Variants in NAV3 observed in about 807,000 individuals in gnomAD.
NAV3 encodes the protein pore membrane and/or filament interacting like protein 1.
NAV3 carries 87 observed loss-of-function variants against 244.7 expected under a neutral mutation model. The ratio of observed to expected loss-of-function variants is 0.36; its 90% CI spans 0.30 to 0.42. NAV3 has a LOEUF of 0.42. Ranked by LOEUF, NAV3 falls within the 20% of genes least tolerant of loss-of-function variation. The pLI is 1.00. For missense variants in NAV3, 2,663 were observed against 2,893.3 expected, an observed-to-expected ratio of 0.92 and a Z score of 1.83; for synonymous variants, 1,126 against 1,042.2, an observed-to-expected ratio of 1.08 and a Z score of -1.55.
At position 77,908,158 on chromosome 12, in the gene NAV3, G is replaced by A. The variant is rs148867540; in HGVS notation, c.244-32161G>A. On this transcript the variant is annotated intron_variant, in intron 1 of 39. Coordinates refer to ENST00000397909, the MANE Select transcript of NAV3 (RefSeq NM_001024383.2). Reference sequence around the variant, plus strand: ...TGTAAGTAGCAATCACAAATTATACGTTTATTTGTCAGCATGATGTTCCAA... The same window carrying A: ...TGTAAGTAGCAATCACAAATTATACATTTATTTGTCAGCATGATGTTCCAA... Among the ~76,000 whole-genome samples the A allele has an allele frequency of 6.5e-3, 985 of 152,092 alleles. 9 individuals carry two copies. Among genetic ancestry groups the A allele is most frequent in the Middle Eastern group, 0.021 (6 of 292 alleles).
intron 2 of NAV3, among the ~76,000 whole-genome samples, chr12:77,589,319 C>A (rs1262828435): frequency 1.3e-5 from 2 of 151,634 alleles, no homozygotes; most frequent in Non-Finnish European, 2.9e-5. Flanking sequence ...TGTCTGTTAC[C>A]CAGTTCCAAA....
chr12:77,581,921 T>G (rs1869384165), intron 2 of NAV3, among the ~76,000 whole-genome samples: 1 of 152,216 alleles, frequency 6.6e-6, no homozygotes, highest in Non-Finnish European at 1.5e-5. Context: ...TCATCACTTG[T>G]CCTTTGCATA....
At chr12:77,959,294 G>A (rs1026568935) in intron 3 of NAV3, among the ~76,000 whole-genome samples, 3 of 151,828 alleles carry the variant, frequency 2.0e-5, no homozygotes, top group East Asian at 1.9e-4. Context: ...AAAGATCCTC[G>A]GTTAATTCTT....
intron 2 of NAV3, among the ~76,000 whole-genome samples, chr12:77,811,421 C>G (rs774327724): frequency 4.6e-5 from 7 of 152,170 alleles, no homozygotes; most frequent in Non-Finnish European, 1.0e-4. Flanking sequence ...TTCACCTCCA[C>G]CACCATCAAG....
intron 2 of NAV3, among the ~76,000 whole-genome samples, chr12:77,675,169 ATTGT>A (rs1451933738): frequency 6.6e-6 from 1 of 152,236 alleles, no homozygotes; most frequent in Non-Finnish European, 1.5e-5. Context: ...AGCATTTTAC[ATTGT>A]TTGTTATTAA....
Position 78,006,481 on chromosome 12 carries a change from G to T in NAV3, c.943G>T (p.Ala315Ser). Residue 315 changes from alanine to serine, a missense_variant, in exon 8 of 40, where the codon GCT becomes TCT. Physicochemically the swap from Ala to Ser is moderately conservative, Grantham distance 99. This residue lies in a region of NAV3 where 1,521 missense variants were observed against 1,497.0 expected (regional missense o/e 1.02). Coordinates refer to ENST00000397909, the MANE Select transcript of NAV3 (RefSeq NM_001024383.2). ...TGGTAACGTGCAGCCTCCCAGTACT[G>T]CTGGGCAGCCTCCTGCCTCTGCCAT... ...VNGNVQPPSTAGQPPASAIPS... is the reference protein window; with the variant it reads ...VNGNVQPPSTSGQPPASAIPS... 1 of 1,614,034 alleles carries T rather than the reference G, an allele frequency of 6.2e-7. No homozygotes were observed. The highest frequency in any genetic ancestry group is 8.5e-7 in the Non-Finnish European group (1 of 1,179,990).
intron 2 of NAV3, among the ~76,000 whole-genome samples, chr12:77,823,258 CAG>C (rs149875851): frequency 1.7e-4 from 25 of 150,714 alleles, no homozygotes; most frequent in South Asian, 1.1e-3. Flanking sequence ...GAAGGAACTG[CAG>C]AGAGAGAGAG....
Position 77,668,179 on chromosome 12 carries a change from G to A in NAV3, c.72+95913G>A, listed in dbSNP as rs183069167. ...TGGATCTGACCTAGTCTACCCAAAT[G>A]AGATGGACCCAGAAAAACATTCTAG... On this transcript the variant is annotated intron_variant, in intron 2 of 8. Coordinates refer to the NAV3 transcript ENST00000550042. 2.4e-3 allele frequency among the ~76,000 whole-genome samples: 364 copies of A among 152,254 alleles called. 3 individuals carry two copies. Among genetic ancestry groups the A allele is most frequent in the Non-Finnish European group, 3.9e-3 (264 of 67,998 alleles).
At chr12:77,985,965 AT>A (rs1426874763) in intron 5 of NAV3, among the ~76,000 whole-genome samples, 1 of 152,144 alleles carries the variant, frequency 6.6e-6, no homozygotes, top group Admixed American at 6.6e-5. Context: ...CCGAAATTAA[AT>A]TTTTTTGGTA....
chr12:78,008,427 T>C (rs1566014557), intron 8 of NAV3, among the ~76,000 whole-genome samples: 1 of 152,144 alleles, frequency 6.6e-6, no homozygotes, highest in South Asian at 2.1e-4. Flanking sequence ...AACTGCTGTG[T>C]CCCCAGTTTA....
intron 11 of NAV3, among the ~76,000 whole-genome samples, chr12:78,056,747 C>T (rs369573358): frequency 1.5e-4 from 23 of 152,100 alleles, no homozygotes; most frequent in African/African-American, 5.3e-4. Context: ...CGTATTTATG[C>T]TACGAGTCAT....
At chr12:77,960,799 A>G (rs578039558) in intron 3 of NAV3, among the ~76,000 whole-genome samples, 1 of 147,136 alleles carries the variant, frequency 6.8e-6, no homozygotes, top group East Asian at 2.0e-4. Flanking sequence ...TATACAATAC[A>G]TATATGTAAT....
intron 5 of NAV3, among the ~76,000 whole-genome samples, chr12:77,985,679 T>G (rs1001115466): frequency 2.0e-5 from 3 of 152,168 alleles, no homozygotes; most frequent in African/African-American, 7.2e-5. Flanking sequence ...AACTTTATTG[T>G]ACGTAGAACA....
chr12:78,164,699 A>G (rs1182464921), intron 23 of NAV3, among the ~76,000 whole-genome samples: 1 of 152,050 alleles, frequency 6.6e-6, no homozygotes. Context: ...TTTCAGTAGA[A>G]CAACTAGCAA....
At chr12:78,099,590 T>C (rs1364646588) in intron 12 of NAV3, among the ~76,000 whole-genome samples, 1 of 151,924 alleles carries the variant, frequency 6.6e-6, no homozygotes, top group East Asian at 1.9e-4. Context: ...GAGTTAACTT[T>C]CATGTGTGTC....
Position 78,096,080 on chromosome 12 carries a change from C to T in NAV3, c.2637-20692C>T, listed in dbSNP as rs1452715739. On this transcript the variant is annotated intron_variant, in intron 12 of 39. Transcript: ENST00000397909. ...AAGAAGAGTATTCAGTACTTCATAT[C>T]CCTGAAGGTAAGACAGAGTAGTATT... 2.0e-5 allele frequency among the ~76,000 whole-genome samples: 3 copies of T among 152,242 alleles called. No homozygotes were observed. The East Asian group carries it at 5.8e-4, about 29-fold the overall frequency.
At chr12:77,906,677 T>G (rs1886011722) in intron 1 of NAV3, among the ~76,000 whole-genome samples, 1 of 152,240 alleles carries the variant, frequency 6.6e-6, no homozygotes, top group Middle Eastern at 3.4e-3. Context: ...GACATGTTTC[T>G]TGATCTCCCT....
rs751011496 is a variant in NAV3 at position 77,968,661 on chromosome 12, G to A, written c.630G>A (p.Ser210=). ...GAGTTACTCACGCTTCCCCTCCATCGGAAGCCAGCCAGGCCAAAACCCAGC... is the reference window on the plus strand; with the variant it reads ...GAGTTACTCACGCTTCCCCTCCATCAGAAGCCAGCCAGGCCAAAACCCAGC... The part of the protein sequence containing the change: ...QQRVTHASPP[S]EASQAKTQQD... The change falls in exon 5 of 40, where the codon TCG becomes TCA. Residue 210 remains serine (S), a synonymous_variant. Transcript: ENST00000397909. The A allele has an allele frequency of 2.9e-5, 47 of 1,613,974 alleles. No individual in the cohort carries two copies. Among genetic ancestry groups the A allele is most frequent in the Non-Finnish European group, 3.6e-5 (43 of 1,179,952 alleles).
chr12:78,098,968 T>A (rs76286966), intron 12 of NAV3, among the ~76,000 whole-genome samples: 34 of 151,176 alleles, frequency 2.2e-4, no homozygotes, highest in African/African-American at 8.0e-4. Flanking sequence ...TTTTTTTTTT[T>A]TATAATATTG....
Sources: gnomAD v4.1 joint callset for allele counts (sites outside exome capture counted in the v4.1 genomes callset) on GRCh38, gnomAD v4.1.1 for gene constraint, gnomAD v4.1.1 regional missense constraint, MANE v1.5 for transcripts, NCBI Gene and HGNC (gene_info 2026-07-23, HGNC 2026-07-21) for gene names.